ABCC10: variants seen among roughly 807,000 people sequenced by gnomAD.
ABCC10 encodes ATP-binding cassette sub-family C member 10.
In ABCC10, 110 loss-of-function variants were observed where a neutral mutation model predicts 143.2. The ratio of observed to expected loss-of-function variants is 0.77; its 90% CI spans 0.66 to 0.90. The LOEUF (loss-of-function observed/expected upper bound fraction) is 0.90, where lower values mean the gene tolerates loss of function less well. Ranked by LOEUF, ABCC10 falls within the 40% of genes least tolerant of loss-of-function variation. The pLI, the probability that ABCC10 is intolerant of heterozygous loss-of-function variation, is 0.00. For synonymous variants in ABCC10, 805 were observed against 846.7 expected, an observed-to-expected ratio of 0.95 and a Z score of 0.85; for missense variants, 1,700 against 1,900.5, an observed-to-expected ratio of 0.89 and a Z score of 1.96.
intron 9 of ABCC10, 183 bp downstream of exon 9, chr6:43,442,143 G>A: frequency 2.0e-6 from 1 of 501,656 alleles, no homozygotes; most frequent in East Asian, 3.7e-5. Context: ...AGAGTTCAAG[G>A]CCTTTAAAAA....
Position 43,444,259 on chromosome 6 carries a change from G to C in ABCC10, c.2595G>C (p.Glu865Asp). 6.2e-7 allele frequency: 1 copy of C among 1,614,170 alleles called. No homozygotes were observed. Residue 865 changes from glutamate (E) to aspartate (D), a missense_variant, in exon 12 of 22, where the codon GAG becomes GAC. Transcript: ENST00000372530. ...GRLLQEESKKEGAVALHVYQA... is the reference protein window; with the variant it reads ...GRLLQEESKKDGAVALHVYQA... ...TGCTGCAGGAAGAAAGCAAGAAGGA[G>C]GGCGCCGTGGCCTTGCACGTGTACC...
At chr6:43,438,897 C>A in intron 8 of ABCC10, 102 bp downstream of exon 8, 1 of 1,399,450 alleles carries the variant, frequency 7.1e-7, no homozygotes, top group South Asian at 1.3e-5. Flanking sequence ...TGCTTCTACT[C>A]GGGCATCACT....
intron 2 of ABCC10, among the ~76,000 whole-genome samples, chr6:43,430,094 A>AT (rs1040630208): frequency 5.8e-5 from 8 of 138,452 alleles, no homozygotes; most frequent in East Asian, 4.5e-4. Flanking sequence ...ATAGAAAAAA[A>AT]TTTTTTTTTT....
rs148497326 is a variant in ABCC10, at chr6:43,444,846, G to A, written c.2748G>A (p.Glu916=). 1 of 1,613,824 alleles carries A rather than the reference G, an allele frequency of 6.2e-7. No individual in the cohort carries two copies. The highest frequency in any genetic ancestry group is 1.3e-5 in the African/African-American group (1 of 74,904). ...LSHWISQLKA[E]NSSQEAQPST... ...ACTGGATCTCTCAGCTGAAGGCTGA[G>A]AATAGCTCCCAGGAGGCGCAACCCT... is the stretch of plus-strand genomic sequence containing the variant. Residue 916 remains glutamate (E), a synonymous_variant, in exon 13 of 22, where the codon GAG becomes GAA. Transcript: ENST00000372530.
chr6:43,435,870 C>G lies in ABCC10; in HGVS notation c.1728C>G (p.Asp576Glu). The G allele has an allele frequency of 6.2e-7, 1 of 1,614,188 alleles. No homozygotes were observed. The highest frequency in any genetic ancestry group is 8.5e-7 in the Non-Finnish European group (1 of 1,180,042). ...TGGACCGGATCCAGCTTTTCCTCGACCTTCCAAACCACAACCCCCAGGCCT... is the reference window on the plus strand; with the variant it reads ...TGGACCGGATCCAGCTTTTCCTCGAGCTTCCAAACCACAACCCCCAGGCCT... ...VSLDRIQLFL[D>E]LPNHNPQAYY... The change falls in exon 5 of 22, where the codon GAC (aspartate) becomes GAG (glutamate). Residue 576 changes from aspartate (D) to glutamate (E), a missense_variant. Physicochemically the swap from Asp to Glu is conservative, Grantham distance 45. Transcript: ENST00000372530.
chr6:43,450,765 G>A (rs753444303), downstream of ABCC10: 2 of 1,614,202 alleles, frequency 1.2e-6, no homozygotes, highest in Non-Finnish European at 1.7e-6. This position sits in a 1 kb window ranked among gnomAD's most constrained non-coding sequence, Gnocchi z 4.5. Context: ...CACCACCAGG[G>A]CCACCAAGCT....
At chr6:43,442,096 G>T (rs1456495800) in intron 9 of ABCC10, 136 bp downstream of exon 9, 5 of 688,564 alleles carry the variant, frequency 7.3e-6, no homozygotes, top group Non-Finnish European at 1.2e-5. Flanking sequence ...TGTTCCTGAG[G>T]TATTGGCCAT....
At chr6:43,437,873 A>G in intron 6 of ABCC10, 61 bp from the exon 7 acceptor site, 1 of 1,540,506 alleles carries the variant, frequency 6.5e-7, no homozygotes, top group South Asian at 1.2e-5. Context: ...CAAGAGGGAG[A>G]CCACTGCCAC....
rs780323249 is a variant in ABCC10 at position 43,432,272 on chromosome 6, A to G, written c.292A>G (p.Ile98Val). Residue 98 changes from isoleucine to valine, a missense_variant, in exon 3 of 22, where the codon ATA (isoleucine) becomes GTA (valine). Coordinates refer to ENST00000372530, the MANE Select transcript of ABCC10 (RefSeq NM_001198934.2). ...ALPPGAGPGP[I>V]GLEVLAGCVA... ...GCCACCAGGGGCAGGCCCAGGACCC[A>G]TAGGGCTAGAGGTGTTGGCAGGGTG... 5 of 1,614,090 alleles carry G rather than the reference A, an allele frequency of 3.1e-6. No individual in the cohort carries two copies. The highest frequency in any genetic ancestry group is 4.2e-6 in the Non-Finnish European group (5 of 1,180,036).
intron 16 of ABCC10, 80 bp from the exon 17 acceptor site, chr6:43,447,168 A>G (rs775179300): frequency 6.6e-7 from 1 of 1,503,992 alleles, no homozygotes; most frequent in Non-Finnish European, 9.0e-7. Flanking sequence ...TTTAAATGCC[A>G]GCAGTCCACA....
Position 43,435,861 on chromosome 6 carries a change from T to C in ABCC10, c.1719T>C (p.Leu573=). 1 of 1,614,158 alleles carries C rather than the reference T, an allele frequency of 6.2e-7. No individual in the cohort carries two copies. The highest frequency in any genetic ancestry group is 2.2e-5 in the East Asian group (1 of 44,880). Residue 573 remains leucine (L), a synonymous_variant, in exon 5 of 22, where the codon CTT becomes CTC. Transcript: ENST00000372530. The part of the protein sequence containing the change: ...EAKVSLDRIQ[L]FLDLPNHNPQ... The stretch of plus-strand genomic sequence containing the variant: ...AAGTGTCCTTGGACCGGATCCAGCT[T>C]TTCCTCGACCTTCCAAACCACAACC...
chr6:43,441,846 G>A lies in ABCC10; in HGVS notation c.2128-16G>A, dbSNP rs557572016. On this transcript the variant is annotated splice_polypyrimidine_tract_variant and intron_variant, in intron 8 of 21. Transcript: ENST00000372530. ...AATGGGAGCTCCCTGACCCACTGGG[G>A]CACCTGTTCCATCAGATCCTGCCTG... 6.2e-6 allele frequency: 10 copies of A among 1,609,272 alleles called. No individual in the cohort carries two copies. In the Admixed American group the frequency reaches 6.7e-5, roughly 11 times the overall value.
intron 4 of ABCC10, among the ~76,000 whole-genome samples, chr6:43,435,492 C>T (rs1318846907): frequency 6.6e-6 from 1 of 152,002 alleles, no homozygotes; most frequent in Non-Finnish European, 1.5e-5. Context: ...GAGATTATGC[C>T]ACTGCACTCC....
rs1783622067 is a variant in ABCC10, at chr6:43,450,199, A to G, written c.*108A>G. 2 of 1,338,224 alleles carry G rather than the reference A, an allele frequency of 1.5e-6. No homozygotes were observed. Among genetic ancestry groups the G allele is most frequent in the South Asian group, 2.9e-5 (2 of 69,602 alleles). 82.9% of individuals were successfully genotyped at this position (1,338,224 alleles called of 1,614,324 possible). On this transcript the variant is annotated 3_prime_UTR_variant, in exon 22 of 22. Coordinates refer to ENST00000372530, the MANE Select transcript of ABCC10 (RefSeq NM_001198934.2). The surrounding 1 kb of genome is among the most constrained non-coding windows in gnomAD (Gnocchi z 4.5). Reference sequence around the variant, plus strand: ...TTCTCCTCTGGGGCTCTACCTCTCCACACTTCCCCAGAAGGGAAAAGGGCA... The same window carrying G: ...TTCTCCTCTGGGGCTCTACCTCTCCGCACTTCCCCAGAAGGGAAAAGGGCA...
chr6:43,450,841 C>A (rs1475889493), downstream of ABCC10: 1 of 1,614,204 alleles, frequency 6.2e-7, no homozygotes, highest in Non-Finnish European at 8.5e-7. The surrounding 1 kb of genome is among the most constrained non-coding windows in gnomAD (Gnocchi z 4.5). Flanking sequence ...AGCAGACCAG[C>A]CCCTGCGCTG....
Position 43,438,608 on chromosome 6 carries a change from G to A in ABCC10, c.1956-16G>A, listed in dbSNP as rs201341226. 12 of 1,612,314 alleles carry A rather than the reference G, an allele frequency of 7.4e-6. No homozygotes were observed. Among genetic ancestry groups the A allele is most frequent in the South Asian group, 3.3e-5 (3 of 91,064 alleles). On this transcript the variant is annotated splice_polypyrimidine_tract_variant and intron_variant, in intron 7 of 21. Coordinates refer to ENST00000372530, the MANE Select transcript of ABCC10 (RefSeq NM_001198934.2). ...AGGAGAGCTGGTCCTCATATTGCTC[G>A]CCTGGCTCTCTGCAGGCTGCGTGGG...
At chr6:43,440,781 T>C (rs1004419156) in intron 8 of ABCC10, among the ~76,000 whole-genome samples, 4 of 150,812 alleles carry the variant, frequency 2.7e-5, no homozygotes, top group Non-Finnish European at 5.9e-5. Context: ...AGAATCTAGC[T>C]TGAACCCAGG....
intron 5 of ABCC10, 63 bp from the exon 6 acceptor site, chr6:43,436,075 T>G: frequency 6.2e-7 from 1 of 1,611,266 alleles, no homozygotes; most frequent in Non-Finnish European, 8.5e-7. Flanking sequence ...AATTACATGA[T>G]TTACCCTCCC....
chr6:43,427,919 A>C, intron 1 of ABCC10, 49 bp from the exon 2 acceptor site: 1 of 1,601,922 alleles, frequency 6.2e-7, no homozygotes, highest in Non-Finnish European at 8.5e-7. Flanking sequence ...AAGTGCAGGC[A>C]AAGCCGGCTG....
Sources: allele counts gnomAD v4.1 joint callset (sites outside exome capture counted in the v4.1 genomes callset), GRCh38; gene constraint gnomAD v4.1.1; non-coding constraint Gnocchi (gnomAD v3.1); transcripts MANE v1.5; gene names NCBI Gene and HGNC (gene_info 2026-07-23, HGNC 2026-07-21).